WWOX: variants seen among roughly 807,000 people sequenced by gnomAD.
WWOX encodes the protein WW domain-containing oxidoreductase.
A neutral mutation model predicts 46.2 loss-of-function variants in WWOX; 69 were observed. That is an observed-to-expected ratio of 1.49 (90% CI 1.23 to 1.82). WWOX has a LOEUF of 1.82. Ranked by LOEUF, WWOX falls within the 40% of genes most tolerant of loss-of-function variation. The probability of loss-of-function intolerance (pLI) is 0.00; values close to 1 mark genes in which losing one functional copy is unlikely to be tolerated. For missense variants in WWOX, 919 were observed against 542.6 expected (o/e 1.69, Z -6.89); for synonymous variants, 359 against 202.6 (o/e 1.77, Z -6.56).
intron 8 of WWOX, among the ~76,000 whole-genome samples, chr16:79,174,725 A>C (rs1169388177): frequency 2.0e-5 from 3 of 152,232 alleles, no homozygotes; most frequent in Non-Finnish European, 4.4e-5. Flanking sequence ...AATGAAGCCT[A>C]GATGGTTCTT....
intron 8 of WWOX, among the ~76,000 whole-genome samples, chr16:78,517,114 T>C (rs1047999765): frequency 1.3e-5 from 2 of 152,248 alleles, no homozygotes; most frequent in African/African-American, 4.8e-5. Context: ...GCAGCCATCC[T>C]TCAAATATGA....
In WWOX at chr16:78,472,836, A is replaced by AT. The variant is rs1555546048; in HGVS notation, c.1056+40086dup. ...AAAAAAAAAAAAAAAAAAAAAAAAA[A>AT]TTATGTCATTTCGTTGTCACAGCGT... On this transcript the variant is annotated intron_variant, in intron 8 of 8. Transcript: ENST00000566780. 4.5e-3 allele frequency among the ~76,000 whole-genome samples: 604 copies of AT among 135,544 alleles called. 18 individuals carry two copies. The highest frequency in any genetic ancestry group is 7.5e-3 in the African/African-American group (268 of 35,542). 88.9% of individuals were successfully genotyped at this position (135,544 alleles called of 152,430 possible). A position where few individuals can be genotyped will look rare whatever the true frequency, so the allele number is the denominator to read the frequency against.
At chr16:78,531,258 G>A (rs1337505025) in intron 8 of WWOX, among the ~76,000 whole-genome samples, 1 of 152,162 alleles carries the variant, frequency 6.6e-6, no homozygotes, top group African/African-American at 2.4e-5. Flanking sequence ...GACAGTGAGA[G>A]CGAGGAAGGG....
intron 5 of WWOX, among the ~76,000 whole-genome samples, chr16:78,278,035 G>T (rs755888450): frequency 6.6e-6 from 1 of 152,276 alleles, no homozygotes; most frequent in Non-Finnish European, 1.5e-5. Context: ...GTGTGAGTGG[G>T]GGACAAAGCA....
chr16:78,543,248 C>G (rs747868643), intron 8 of WWOX, among the ~76,000 whole-genome samples: 1 of 152,184 alleles, frequency 6.6e-6, no homozygotes, highest in East Asian at 1.9e-4. Flanking sequence ...ATGGTTTGGT[C>G]TGAAGTGTCA....
At chr16:79,012,369 A>G (rs2151377576) in intron 8 of WWOX, among the ~76,000 whole-genome samples, 1 of 152,172 alleles carries the variant, frequency 6.6e-6, no homozygotes, top group East Asian at 1.9e-4. Flanking sequence ...AGTAGCTGAG[A>G]TTACAGGTGT....
At chr16:79,041,464 A>G (rs2047969824) in intron 8 of WWOX, among the ~76,000 whole-genome samples, 1 of 152,196 alleles carries the variant, frequency 6.6e-6, no homozygotes, top group South Asian at 2.1e-4. Context: ...TGTGGGTTCC[A>G]GTTTCTCATT....
chr16:78,424,744 C>G lies in WWOX; in HGVS notation c.606-126C>G, dbSNP rs934630821. 3.7e-6 allele frequency: 4 copies of G among 1,092,562 alleles called. No homozygotes were observed. The East Asian group carries it at 7.1e-5, about 19-fold the overall frequency. 67.7% of individuals were successfully genotyped at this position (1,092,562 alleles called of 1,614,324 possible). On this transcript the variant is annotated intron_variant, in intron 6 of 8. Coordinates refer to ENST00000566780, the MANE Select transcript of WWOX (RefSeq NM_016373.4). Reference sequence around the variant, plus strand: ...AGACGGAGAAAGAATTTCTCATTCCCGAAGGAGCATGGATTATCCTTGGTT... The same window carrying G: ...AGACGGAGAAAGAATTTCTCATTCCGGAAGGAGCATGGATTATCCTTGGTT...
At chr16:78,620,534 A>T (rs2046153638) in intron 8 of WWOX, among the ~76,000 whole-genome samples, 1 of 152,158 alleles carries the variant, frequency 6.6e-6, no homozygotes, top group African/African-American at 2.4e-5. Context: ...GACACTAGAT[A>T]GTGGGTAGGG....
intron 8 of WWOX, among the ~76,000 whole-genome samples, chr16:78,614,701 G>C (rs1277696369): frequency 6.6e-6 from 1 of 152,236 alleles, no homozygotes. Flanking sequence ...GCTACATGAA[G>C]AGGGACGGGG....
intron 1 of WWOX, among the ~76,000 whole-genome samples, chr16:78,104,279 C>T (rs576273383): frequency 1.3e-3 from 189 of 147,598 alleles, no homozygotes; most frequent in African/African-American, 4.6e-3. Flanking sequence ...CACTGGCTGT[C>T]CTCACTGTCA....
At position 79,029,778 on chromosome 16, in the gene WWOX, G is replaced by T. The variant is rs567993650; in HGVS notation, c.1057-181830G>T. Among the ~76,000 whole-genome samples, 3 of 152,158 alleles carry T rather than the reference G, an allele frequency of 2.0e-5. No homozygotes were observed. The East Asian group carries it at 5.8e-4, about 29-fold the overall frequency. The stretch of plus-strand genomic sequence containing the variant: ...GAATCTCAATTATTAATTGTACCCT[G>T]GATTTATTGGTCTTTGGACTCTCCC... On this transcript the variant is annotated intron_variant, in intron 8 of 8. Coordinates refer to ENST00000566780, the MANE Select transcript of WWOX (RefSeq NM_016373.4).
At chr16:78,256,026 T>C (rs1431893789) in intron 5 of WWOX, among the ~76,000 whole-genome samples, 1 of 151,684 alleles carries the variant, frequency 6.6e-6, no homozygotes, top group Non-Finnish European at 1.5e-5. Context: ...GGCATGTGCC[T>C]GTAGTCCCAG....
At chr16:78,688,892 G>A (rs1041325873) in intron 8 of WWOX, among the ~76,000 whole-genome samples, 4 of 152,240 alleles carry the variant, frequency 2.6e-5, no homozygotes, top group East Asian at 1.9e-4. Flanking sequence ...GTTCTCACAA[G>A]ATTTGATGGT....
intron 8 of WWOX, among the ~76,000 whole-genome samples, chr16:78,683,669 T>G (rs1282799070): frequency 6.6e-6 from 1 of 152,180 alleles, no homozygotes; most frequent in African/African-American, 2.4e-5. Flanking sequence ...CCCAAAGTGC[T>G]GGGATTACAG....
At chr16:78,933,873 G>C (rs1019159927) in intron 8 of WWOX, among the ~76,000 whole-genome samples, 1 of 151,918 alleles carries the variant, frequency 6.6e-6, no homozygotes, top group Non-Finnish European at 1.5e-5. Context: ...TGAGATTTGG[G>C]TGGGGACACA....
At chr16:78,853,825 A>C (rs1270672535) in intron 8 of WWOX, among the ~76,000 whole-genome samples, 2 of 152,122 alleles carry the variant, frequency 1.3e-5, no homozygotes, top group Non-Finnish European at 2.9e-5. Flanking sequence ...ATAATTTAAT[A>C]GCGAAGCCCT....
chr16:78,936,440 C>G (rs967773158), intron 8 of WWOX, among the ~76,000 whole-genome samples: 10 of 152,118 alleles, frequency 6.6e-5, no homozygotes, highest in African/African-American at 2.4e-4. Context: ...GAGCTCTTTT[C>G]TCTGTAGGCT....
intron 8 of WWOX, among the ~76,000 whole-genome samples, chr16:79,012,268 T>C (rs1336158637): frequency 1.3e-5 from 2 of 152,170 alleles, no homozygotes; most frequent in Non-Finnish European, 1.5e-5. Flanking sequence ...AGCCTCGCTC[T>C]GTCACCTAGG....
Sources: allele counts gnomAD v4.1 joint callset (sites outside exome capture counted in the v4.1 genomes callset), GRCh38; gene constraint gnomAD v4.1.1; transcripts MANE v1.5; gene names NCBI Gene and HGNC (gene_info 2026-07-23, HGNC 2026-07-21).